The following DSCAML1 variants were observed in gnomAD, a reference collection of about 807,000 sequenced individuals.
DSCAML1 encodes DS cell adhesion molecule like 1, also known as cell adhesion molecule DSCAML1.
In DSCAML1, 38 loss-of-function variants were observed where a neutral mutation model predicts 200.5. That is an observed-to-expected ratio of 0.19 (90% confidence interval 0.15 to 0.25). DSCAML1 has a LOEUF of 0.25. Ranked by LOEUF, DSCAML1 falls within the 10% of genes least tolerant of loss-of-function variation. The pLI is 1.00. For synonymous variants in DSCAML1, 1,215 were observed against 1,165.0 expected, an observed-to-expected ratio of 1.04 and a Z score of -0.87; for missense variants, 2,223 against 2,858.8, an observed-to-expected ratio of 0.78 and a Z score of 5.07.
chr11:117,439,729 G>T, intron 22 of DSCAML1, 90 bp downstream of exon 22: 3 of 1,272,040 alleles, frequency 2.4e-6, no homozygotes, highest in South Asian at 1.3e-5. Flanking sequence ...CGGGTCACCA[G>T]GCAGGAGGGC....
intron 3 of DSCAML1, among the ~76,000 whole-genome samples, chr11:117,621,597 C>T (rs1469928506): frequency 6.6e-6 from 1 of 152,150 alleles, no homozygotes; most frequent in Non-Finnish European, 1.5e-5. Context: ...GTACTTGCAT[C>T]TTGTTATTCA....
At chr11:117,675,234 AACAC>A (rs1000535856) in intron 3 of DSCAML1, among the ~76,000 whole-genome samples, 1 of 152,036 alleles carries the variant, frequency 6.6e-6, no homozygotes, top group African/African-American at 2.4e-5. Flanking sequence ...TGTTGTTTTA[AACAC>A]ACACACACAG....
rs561116588 is a variant in DSCAML1 at position 117,763,763 on chromosome 11, A to G, written c.511+13028T>C. On this transcript the variant is annotated intron_variant, in intron 3 of 32. Transcript: ENST00000651296. ...CTGGGTTTCACTGCCAAGGATCCTG[A>G]TCTAATTGTTCTGGGGTCAGGGTTG... Among the ~76,000 whole-genome samples the G allele has an allele frequency of 9.9e-5, 15 of 151,956 alleles. 1 individual carries two copies. The highest frequency in any genetic ancestry group is 3.4e-4 in the African/African-American group (14 of 41,462).
chr11:117,755,468 G>T (rs2054670807), intron 3 of DSCAML1, among the ~76,000 whole-genome samples: 1 of 152,118 alleles, frequency 6.6e-6, no homozygotes, highest in Non-Finnish European at 1.5e-5. Flanking sequence ...CCTGTGCAAG[G>T]AGAGACCCAG....
At chr11:117,633,350 A>G (rs574412753) in intron 3 of DSCAML1, among the ~76,000 whole-genome samples, 1 of 152,188 alleles carries the variant, frequency 6.6e-6, no homozygotes, top group Admixed American at 6.5e-5. Flanking sequence ...CCTCCTCCCA[A>G]CTGCAAGAGC....
intron 3 of DSCAML1, among the ~76,000 whole-genome samples, chr11:117,684,731 G>A (rs1362471921): frequency 3.9e-5 from 6 of 152,250 alleles, no homozygotes; most frequent in African/African-American, 1.4e-4. Flanking sequence ...AAAATTGAAA[G>A]GTGTTTGTGT....
At chr11:117,630,658 C>CCAA (rs372432882) in intron 3 of DSCAML1, among the ~76,000 whole-genome samples, 1,067 of 45,604 alleles carry the variant, frequency 0.023, 95 homozygotes, top group African/African-American at 0.074. Context: ...ATAAAGTGGC[C>CCAA]AAAAAAAAAA....
At chr11:117,807,441 G>A (rs750180541) in intron 1 of DSCAML1, among the ~76,000 whole-genome samples, 13 of 152,154 alleles carry the variant, frequency 8.5e-5, no homozygotes, top group South Asian at 2.1e-4. Context: ...TCCCCACTCC[G>A]CCCAGCCTAA....
rs568106576 is a variant in DSCAML1, at chr11:117,590,331, G to C, written c.512-57809C>G. On this transcript the variant is annotated intron_variant, in intron 3 of 32. Transcript: ENST00000651296. Reference sequence around the variant, plus strand: ...AGCCTCCCAAGTAGCTAGGACTACAGATGTGTGCCACTATGCCTGGCTTAA... The same window carrying C: ...AGCCTCCCAAGTAGCTAGGACTACACATGTGTGCCACTATGCCTGGCTTAA... 8.0e-5 allele frequency among the ~76,000 whole-genome samples: 12 copies of C among 149,820 alleles called. No individual in the cohort carries two copies. The South Asian group carries it at 2.5e-3, about 32-fold the overall frequency.
At chr11:117,803,589 A>T (rs1291510659) in intron 1 of DSCAML1, among the ~76,000 whole-genome samples, 1 of 111,274 alleles carries the variant, frequency 9.0e-6, no homozygotes, top group Non-Finnish European at 1.9e-5. Flanking sequence ...GTGAGGCCTA[A>T]GCTTCCAGCC....
intron 19 of DSCAML1, 35 bp downstream of exon 19, chr11:117,458,719 G>C (rs773190750): frequency 6.2e-7 from 1 of 1,605,358 alleles, no homozygotes; most frequent in Non-Finnish European, 8.5e-7. Context: ...GTGGGTGGCA[G>C]GGCCAGCCTG....
chr11:117,502,583 C>T (rs1315324252), intron 11 of DSCAML1, among the ~76,000 whole-genome samples: 22 of 152,184 alleles, frequency 1.4e-4, no homozygotes. Flanking sequence ...TTATGCTGAG[C>T]TGAACGCGGG....
intron 3 of DSCAML1, among the ~76,000 whole-genome samples, chr11:117,641,728 T>A (rs1018932988): frequency 2.0e-5 from 3 of 152,090 alleles, no homozygotes; most frequent in African/African-American, 7.2e-5. Context: ...TCCTGCCCCA[T>A]GATGCAGAGG....
At chr11:117,717,288 TC>T (rs1171746850) in intron 3 of DSCAML1, among the ~76,000 whole-genome samples, 1 of 151,018 alleles carries the variant, frequency 6.6e-6, no homozygotes, top group Non-Finnish European at 1.5e-5. Flanking sequence ...CCTGCCCCCC[TC>T]AAGTATTCCA....
chr11:117,798,849 G>A (rs963836306), upstream of DSCAML1, among the ~76,000 whole-genome samples: 21 of 152,094 alleles, frequency 1.4e-4, no homozygotes, highest in African/African-American at 4.8e-4. Flanking sequence ...CAGGCCTCCC[G>A]ACTCCAGAGC....
chr11:117,786,271 G>A (rs1355463128), intron 1 of DSCAML1, among the ~76,000 whole-genome samples: 5 of 152,212 alleles, frequency 3.3e-5, no homozygotes, highest in African/African-American at 9.6e-5. Flanking sequence ...GTTGTCATGT[G>A]ACAGACGCCC....
intron 3 of DSCAML1, among the ~76,000 whole-genome samples, chr11:117,722,890 C>A (rs955461217): frequency 6.6e-6 from 1 of 152,174 alleles, no homozygotes; most frequent in Non-Finnish European, 1.5e-5. Flanking sequence ...TATTCAGTTT[C>A]ATCTCATGTC....
At chr11:117,589,670 G>A (rs1483066544) in intron 3 of DSCAML1, among the ~76,000 whole-genome samples, 1 of 152,202 alleles carries the variant, frequency 6.6e-6, no homozygotes, top group African/African-American at 2.4e-5. Flanking sequence ...TCCAGGTTGT[G>A]AGTTGCAAAG....
At chr11:117,669,050 C>T (rs1408745167) in intron 3 of DSCAML1, among the ~76,000 whole-genome samples, 1 of 152,200 alleles carries the variant, frequency 6.6e-6, no homozygotes, top group African/African-American at 2.4e-5. Flanking sequence ...AGATCCCACT[C>T]CTATGAATAT....
Sources: gnomAD v4.1 joint callset for allele counts (sites outside exome capture counted in the v4.1 genomes callset) on GRCh38, gnomAD v4.1.1 for gene constraint, MANE v1.5 for transcripts, NCBI Gene and HGNC (gene_info 2026-07-23, HGNC 2026-07-21) for gene names.